The following WWOX variants were observed in gnomAD, a reference collection of about 807,000 sequenced individuals.
WWOX encodes the protein WW domain containing oxidoreductase, also known as WW domain-containing oxidoreductase.
In WWOX, 69 loss-of-function variants were observed where a neutral mutation model predicts 46.2. The ratio of observed to expected loss-of-function variants is 1.49; its 90% CI spans 1.23 to 1.82. The LOEUF (loss-of-function observed/expected upper bound fraction) is 1.82. WWOX is among the 40% of genes most tolerant of loss of function. WWOX has a pLI of 0.00. For synonymous variants in WWOX, 359 were observed against 202.6 expected (o/e 1.77, Z -6.56); for missense variants, 919 against 542.6 (o/e 1.69, Z -6.89).
intron 8 of WWOX, among the ~76,000 whole-genome samples, chr16:78,923,772 T>A (rs1386375698): frequency 6.6e-6 from 1 of 150,514 alleles, no homozygotes; most frequent in East Asian, 2.0e-4. Flanking sequence ...CTGGGTTGAT[T>A]GCTAGGAACT....
At position 78,206,143 on chromosome 16, in the gene WWOX, C is replaced by T. The variant is rs922546990; in HGVS notation, c.516+41854C>T. On this transcript the variant is annotated intron_variant, in intron 5 of 8. Coordinates refer to ENST00000566780, the MANE Select transcript of WWOX (RefSeq NM_016373.4). ...GCTAAGGAGTTTGAAATTTTTTATA[C>T]TATGTTCTATTGGGAACCATTTCAG... 2.6e-5 allele frequency among the ~76,000 whole-genome samples: 4 copies of T among 151,850 alleles called. No individual in the cohort carries two copies. The East Asian group carries it at 7.7e-4, about 29-fold the overall frequency.
chr16:78,982,687 T>C (rs542813934), intron 8 of WWOX, among the ~76,000 whole-genome samples: 1 of 152,320 alleles, frequency 6.6e-6, no homozygotes, highest in Admixed American at 6.5e-5. Context: ...TAGACCGGGC[T>C]CCTCAAACAT....
intron 8 of WWOX, among the ~76,000 whole-genome samples, chr16:78,911,736 C>G (rs1000622608): frequency 6.6e-6 from 1 of 151,946 alleles, no homozygotes; most frequent in Non-Finnish European, 1.5e-5. Flanking sequence ...CGTGATGGTG[C>G]GTACCTGTAA....
intron 8 of WWOX, among the ~76,000 whole-genome samples, chr16:78,716,803 C>G (rs111794212): frequency 0.014 from 2,137 of 152,288 alleles, 57 homozygotes; most frequent in African/African-American, 0.048. Flanking sequence ...CCAGCATTGT[C>G]TTGGTCCATA....
intron 8 of WWOX, chr16:78,898,432 T>C (rs2151238121): frequency 6.6e-6 from 1 of 152,294 alleles, no homozygotes; most frequent in East Asian, 1.9e-4. Context: ...TTGGCATCTT[T>C]GTCAAAAATC....
At chr16:78,739,423 A>T (rs79420779) in intron 8 of WWOX, among the ~76,000 whole-genome samples, 1 of 152,178 alleles carries the variant, frequency 6.6e-6, no homozygotes, top group Non-Finnish European at 1.5e-5. Flanking sequence ...CAGAAGGCAC[A>T]CTACACATCT....
intron 8 of WWOX, among the ~76,000 whole-genome samples, chr16:78,789,997 T>C (rs1254894672): frequency 1.3e-5 from 2 of 152,208 alleles, no homozygotes; most frequent in Non-Finnish European, 2.9e-5. Flanking sequence ...ATGCTAACAA[T>C]AGTTGTTCTT....
At chr16:78,568,418 C>G (rs1051046679) in intron 8 of WWOX, among the ~76,000 whole-genome samples, 3 of 151,580 alleles carry the variant, frequency 2.0e-5, no homozygotes, top group Admixed American at 6.6e-5. Context: ...AATTGCTAAC[C>G]ACTGCTTTCC....
At chr16:78,548,528 A>C (rs2044100637) in intron 8 of WWOX, among the ~76,000 whole-genome samples, 1 of 152,344 alleles carries the variant, frequency 6.6e-6, no homozygotes, top group South Asian at 2.1e-4. Context: ...TTTTAACAGT[A>C]CATCACTGCC....
intron 8 of WWOX, among the ~76,000 whole-genome samples, chr16:78,884,668 A>G (rs377606117): frequency 7.8e-4 from 119 of 152,338 alleles, no homozygotes; most frequent in South Asian, 5.2e-3. Context: ...AAGTCAGGGT[A>G]GAGGATGGAT....
chr16:78,496,209 A>G (rs976082237), intron 8 of WWOX: 2 of 152,070 alleles, frequency 1.3e-5, no homozygotes, highest in Non-Finnish European at 2.9e-5. Context: ...ACTACTTGAA[A>G]CACGACTTCT....
At chr16:78,261,784 C>CTA (rs1555510653) in intron 5 of WWOX, among the ~76,000 whole-genome samples, 80 of 50,882 alleles carry the variant, frequency 1.6e-3, no homozygotes, top group Admixed American at 3.0e-3. Context: ...ATCTATCTAT[C>CTA]TATCTATATA....
intron 7 of WWOX, 51 bp from the exon 8 acceptor site, chr16:78,432,435 CTG>C (rs1766007592): frequency 6.2e-7 from 1 of 1,603,504 alleles, no homozygotes; most frequent in Non-Finnish European, 8.5e-7. Context: ...AAATAAAAAG[CTG>C]TGTGGGAAGT....
At chr16:79,148,142 C>A (rs2050213660) in intron 8 of WWOX, among the ~76,000 whole-genome samples, 1 of 152,034 alleles carries the variant, frequency 6.6e-6, no homozygotes, top group Non-Finnish European at 1.5e-5. Flanking sequence ...TCTAATAATT[C>A]TTTGGGTAAC....
intron 8 of WWOX, among the ~76,000 whole-genome samples, chr16:78,548,209 A>G (rs1287170048): frequency 6.6e-6 from 1 of 151,692 alleles, no homozygotes; most frequent in Non-Finnish European, 1.5e-5. Flanking sequence ...CAAACATTTA[A>G]TCCGTAGTAC....
At chr16:78,875,417 G>T (rs1020608129) in intron 8 of WWOX, among the ~76,000 whole-genome samples, 1 of 152,082 alleles carries the variant, frequency 6.6e-6, no homozygotes, top group Admixed American at 6.5e-5. Context: ...TCTAATTCTC[G>T]AGTGTCTGAT....
At chr16:78,497,292 C>T (rs1242320068) in intron 8 of WWOX, among the ~76,000 whole-genome samples, 1 of 152,168 alleles carries the variant, frequency 6.6e-6, no homozygotes. Context: ...TCTTTTCTTA[C>T]CTCACACCAT....
chr16:78,801,638 AACTTT>A (rs1444223887), intron 8 of WWOX, among the ~76,000 whole-genome samples: 1 of 152,156 alleles, frequency 6.6e-6, no homozygotes, highest in Non-Finnish European at 1.5e-5. Flanking sequence ...TTCTCTCCTT[AACTTT>A]GTTTCTGAAT....
chr16:78,941,939 C>G (rs555182841), intron 8 of WWOX, among the ~76,000 whole-genome samples: 1 of 152,010 alleles, frequency 6.6e-6, no homozygotes, highest in East Asian at 1.9e-4. Context: ...TTACTGTAAA[C>G]ATTGTGCTGT....
Sources: gnomAD v4.1 joint callset for allele counts (sites outside exome capture counted in the v4.1 genomes callset) on GRCh38, gnomAD v4.1.1 for gene constraint, MANE v1.5 for transcripts, NCBI Gene and HGNC (gene_info 2026-07-23, HGNC 2026-07-21) for gene names.